The following CYP3A4 variants were observed in gnomAD, a reference collection of about 807,000 sequenced individuals.
The protein encoded by CYP3A4 is cytochrome P450 3A4.
CYP3A4 carries 41 observed loss-of-function variants against 54.9 expected under a neutral mutation model. The observed-to-expected ratio is 0.75, with a 90% CI of 0.58 to 0.97. The LOEUF is 0.97. Ranked by LOEUF, CYP3A4 falls within the 50% of genes least tolerant of loss-of-function variation. CYP3A4 has a pLI of 0.00. For missense variants in CYP3A4, 510 were observed against 597.3 expected (o/e 0.85, Z 1.52); for synonymous variants, 179 against 205.2 (o/e 0.87, Z 1.09).
At chr7:99,774,390 A>C (rs1815705860) in intron 3 of CYP3A4, among the ~76,000 whole-genome samples, 1 of 152,228 alleles carries the variant, frequency 6.6e-6, no homozygotes, top group South Asian at 2.1e-4. Context: ...CACAACAAAA[A>C]AAGAGAATTT....
chr7:99,779,848 G>A, intron 2 of CYP3A4, 144 bp downstream of exon 2: 2 of 741,172 alleles, frequency 2.7e-6, no homozygotes, highest in Middle Eastern at 3.6e-4. Flanking sequence ...GGTAAACATT[G>A]CCATGTTCTG....
Position 99,779,922 on chromosome 7 carries a change from T to C in CYP3A4, c.165+70A>G, listed in dbSNP as rs374584541. The stretch of plus-strand genomic sequence containing the variant: ...CAGACCTTCCCCCTGAGGAGAAGCA[T>C]TTTTACTGATGGAACTAAGCTGCTC... On this transcript the variant is annotated intron_variant, in intron 2 of 12. Coordinates refer to ENST00000651514, the MANE Select transcript of CYP3A4 (RefSeq NM_017460.6). 5.5e-6 allele frequency: 8 copies of C among 1,453,928 alleles called. No homozygotes were observed. The East Asian group carries it at 1.9e-4, about 34-fold the overall frequency. The allele number at this position is 1,453,928 out of a possible 1,614,324, so 90.1% of individuals were successfully genotyped here.
rs147125009 is a variant in CYP3A4, at chr7:99,758,148, G to C, written c.1497C>G (p.Thr499=). Residue 499 remains threonine (T), a synonymous_variant, in exon 13 of 13, where the codon ACC becomes ACG. Coordinates refer to ENST00000651514, the MANE Select transcript of CYP3A4 (RefSeq NM_017460.6). ...VVLKVESRDG[T]VSGA is the part of the protein sequence containing the mutation. ...TTAGGAAAATTCAGGCTCCACTTAC[G>C]GTGCCATCCCTTGACTCAACCTTTA... The C allele has an allele frequency of 6.2e-7, 1 of 1,613,836 alleles. No homozygotes were observed. The highest frequency in any genetic ancestry group is 8.5e-7 in the Non-Finnish European group (1 of 1,179,816).
Position 99,780,097 on chromosome 7 carries a change from A to G in CYP3A4, c.72-12T>C, listed in dbSNP as rs56357996. The G allele has an allele frequency of 4.7e-4, 759 of 1,608,966 alleles. No individual in the cohort carries two copies. Among genetic ancestry groups the G allele is most frequent in the Non-Finnish European group, 6.0e-4 (700 of 1,175,624 alleles). On this transcript the variant is annotated splice_polypyrimidine_tract_variant and intron_variant, in intron 1 of 12. Transcript: ENST00000651514. The stretch of plus-strand genomic sequence containing the variant: ...AATGGGTTCCATATCTACAAAGTGA[A>G]ACAGAAATCAAGTCACAGCGATTGT...
intron 4 of CYP3A4, 141 bp from the exon 5 acceptor site, chr7:99,770,376 C>T: frequency 4.0e-6 from 2 of 505,454 alleles, no homozygotes; most frequent in South Asian, 3.6e-5. Flanking sequence ...GCTAGATGCT[C>T]AATAGAGATT....
At position 99,768,361 on chromosome 7, in the gene CYP3A4, G is replaced by A. The variant is rs746635809; in HGVS notation, c.663C>T (p.Leu221=). 6 of 1,613,652 alleles carry A rather than the reference G, an allele frequency of 3.7e-6. No individual in the cohort carries two copies. In the African/African-American group the frequency reaches 8.0e-5, roughly 22 times the overall value. Residue 221 remains leucine, a synonymous_variant, in exon 7 of 13, where the codon CTC becomes CTT. Coordinates refer to ENST00000651514, the MANE Select transcript of CYP3A4 (RefSeq NM_017460.6). Reference sequence around the variant, plus strand: ...AAATAGTAGTCCACATACTTATTGAGAGAAAGAATGGATCCAAAAAATCAA... The same window carrying A: ...AAATAGTAGTCCACATACTTATTGAAAGAAAGAATGGATCCAAAAAATCAA... The part of the protein sequence containing the change: ...LRFDFLDPFF[L]SITVFPFLIP...
intron 3 of CYP3A4, among the ~76,000 whole-genome samples, chr7:99,773,669 C>G (rs1412987325): frequency 1.3e-5 from 2 of 152,142 alleles, no homozygotes; most frequent in Non-Finnish European, 2.9e-5. Context: ...GCACAATGTA[C>G]CAGAATCTCT....
chr7:99,763,161 G>A (rs183793961), intron 10 of CYP3A4, among the ~76,000 whole-genome samples: 84 of 152,242 alleles, frequency 5.5e-4, no homozygotes, highest in African/African-American at 1.7e-3. Context: ...GCCAGGCTCC[G>A]TCAGACTACA....
At chr7:99,768,579 C>T (rs1217305471) in intron 6 of CYP3A4, 77 bp from the exon 7 acceptor site, 6 of 1,610,286 alleles carry the variant, frequency 3.7e-6, no homozygotes, top group Non-Finnish European at 5.1e-6. Context: ...ACAGGAAACC[C>T]ACATGTCCAG....
At chr7:99,766,479 T>C in intron 8 of CYP3A4, 36 bp from the exon 9 acceptor site, 1 of 1,612,990 alleles carries the variant, frequency 6.2e-7, no homozygotes, top group Non-Finnish European at 8.5e-7. Context: ...TGACAGAAAG[T>C]GGCTCCTGAA....
At chr7:99,761,785 A>G (rs1815339840) in intron 11 of CYP3A4, among the ~76,000 whole-genome samples, 1 of 152,200 alleles carries the variant, frequency 6.6e-6, no homozygotes, top group African/African-American at 2.4e-5. Flanking sequence ...CATTTTGGAC[A>G]CTGATGACCC....
chr7:99,758,162 ACT>A lies in CYP3A4; in HGVS notation c.1481_1482del (p.Glu494ValfsTer26), dbSNP rs1476196651. The part of the protein sequence containing the change: ...QPEKPVVLKV[E>X]SRDGTVSGA ...GCTCCACTTACGGTGCCATCCCTTG[ACT>A]CAACCTTTAGAACAACGGGTTTTTC... On this transcript the variant is annotated frameshift_variant, in exon 13 of 13. Coordinates refer to ENST00000651514, the MANE Select transcript of CYP3A4 (RefSeq NM_017460.6). LOFTEE classifies it high-confidence loss of function. 1 of 1,613,986 alleles carries A rather than the reference ACT, an allele frequency of 6.2e-7. No individual in the cohort carries two copies. Among genetic ancestry groups the A allele is most frequent in the Non-Finnish European group, 8.5e-7 (1 of 1,179,938 alleles).
intron 10 of CYP3A4, among the ~76,000 whole-genome samples, chr7:99,763,033 CTT>C (rs1264835845): frequency 1.3e-5 from 2 of 152,204 alleles, no homozygotes; most frequent in Non-Finnish European, 2.9e-5. Flanking sequence ...TGTTTTAAGA[CTT>C]TAGCTCAGGA....
chr7:99,764,028 GA>G lies in CYP3A4; in HGVS notation c.866-14del, dbSNP rs753982121. 31 of 1,613,778 alleles carry G rather than the reference GA, an allele frequency of 1.9e-5. No homozygotes were observed. The highest frequency in any genetic ancestry group is 1.3e-4 in the South Asian group (12 of 91,068). ...AGATCGGACAGAGCTGAAAGGAGAG[GA>G]AAGACATTTTAGGTAAATCAGATCA... On this transcript the variant is annotated splice_polypyrimidine_tract_variant and intron_variant, in intron 9 of 12. Transcript: ENST00000651514.
In CYP3A4 at chr7:99,780,057, T is replaced by C. The variant is rs750918249; in HGVS notation, c.100A>G (p.Lys34Glu). 1 of 1,613,592 alleles carries C rather than the reference T, an allele frequency of 6.2e-7. No homozygotes were observed. The part of the protein sequence containing the change: ...LYGTHSHGLF[K>E]KLGIPGPTPL... ...GTGGGCCCTGGAATTCCAAGCTTCT[T>C]AAAAAGTCCATGTGAATGGGTTCCA... is the stretch of plus-strand genomic sequence containing the variant. Residue 34 changes from lysine to glutamate, a missense_variant, in exon 2 of 13, where the codon AAG (lysine) becomes GAG (glutamate). Lys to Glu is a moderately conservative substitution (Grantham distance 56). Around this residue, in one of 2 missense-constraint regions of CYP3A4, gnomAD observed 272 missense variants for 274.9 expected, o/e 0.99. Coordinates refer to ENST00000651514, the MANE Select transcript of CYP3A4 (RefSeq NM_017460.6).
Position 99,782,640 on chromosome 7 carries a change from C to T in CYP3A4, c.71+1371G>A, listed in dbSNP as rs542971637. ...TGACCTCCACTACGGGGCCAGGACCCATGAATATCTCTTTGGAGTTCTACC... is the reference window on the plus strand; with the variant it reads ...TGACCTCCACTACGGGGCCAGGACCTATGAATATCTCTTTGGAGTTCTACC... On this transcript the variant is annotated intron_variant, in intron 1 of 12. Transcript: ENST00000651514. Among the ~76,000 whole-genome samples the T allele has an allele frequency of 1.1e-4, 17 of 152,182 alleles. No individual in the cohort carries two copies. In the South Asian group the frequency reaches 3.5e-3, roughly 32 times the overall value.
chr7:99,765,486 T>TGATAGATA (rs533497412), intron 9 of CYP3A4, among the ~76,000 whole-genome samples: 1 of 149,326 alleles, frequency 6.7e-6, no homozygotes, highest in African/African-American at 2.5e-5. Flanking sequence ...GATAGATAGA[T>TGATAGATA]GATAGATAGA....
intron 7 of CYP3A4, among the ~76,000 whole-genome samples, chr7:99,767,923 T>C (rs1418869956): frequency 1.3e-5 from 2 of 152,114 alleles, no homozygotes; most frequent in Non-Finnish European, 2.9e-5. Context: ...CACAAATCAG[T>C]AATCTATGTT....
chr7:99,776,351 C>T (rs1367332522), intron 3 of CYP3A4, among the ~76,000 whole-genome samples: 2 of 152,052 alleles, frequency 1.3e-5, no homozygotes. Context: ...TGGGCATATA[C>T]CCAAAGCATA....
Sources: gnomAD v4.1 joint callset for allele counts (sites outside exome capture counted in the v4.1 genomes callset) on GRCh38, gnomAD v4.1.1 for gene constraint, gnomAD v4.1.1 regional missense constraint, MANE v1.5 for transcripts, NCBI Gene and HGNC (gene_info 2026-07-23, HGNC 2026-07-21) for gene names.